Variants in TP63 observed in about 807,000 individuals in gnomAD.
TP63 encodes tumor protein 63.
A neutral mutation model predicts 82.8 loss-of-function variants in TP63; 17 were observed. The ratio of observed to expected loss-of-function variants is 0.21; its 90% CI spans 0.14 to 0.31. The LOEUF (loss-of-function observed/expected upper bound fraction) is 0.31. Among genes scored for constraint, TP63 ranks in the 10% least tolerant of loss-of-function variants. TP63 has a pLI of 1.00. For missense variants in TP63, 648 were observed against 895.3 expected, an observed-to-expected ratio of 0.72 and a Z score of 3.52; for synonymous variants, 330 against 321.7, an observed-to-expected ratio of 1.03 and a Z score of -0.28.
chr3:189,862,204 G>A (rs980764229), intron 4 of TP63, among the ~76,000 whole-genome samples: 20 of 151,840 alleles, frequency 1.3e-4, no homozygotes, highest in African/African-American at 4.8e-4. Context: ...GAAAATTCTG[G>A]CCCCTGTGGT....
chr3:189,704,030 CA>C (rs1315649417), intron 1 of TP63, among the ~76,000 whole-genome samples: 1 of 152,242 alleles, frequency 6.6e-6, no homozygotes, highest in Non-Finnish European at 1.5e-5. Flanking sequence ...TTCCCTGTCC[CA>C]GAGAACATTT....
intron 4 of TP63, among the ~76,000 whole-genome samples, chr3:189,822,581 T>C (rs1160003173): frequency 6.6e-6 from 1 of 152,314 alleles, no homozygotes. Context: ...TCTTGTAACA[T>C]TGAGTTATTA....
chr3:189,761,506 C>T (rs112515652), intron 3 of TP63, among the ~76,000 whole-genome samples: 1 of 142,610 alleles, frequency 7.0e-6, no homozygotes, highest in East Asian at 1.9e-4. Flanking sequence ...CACCTGTGAC[C>T]ACCTCAGCCT....
At chr3:189,682,837 A>G (rs992030473) in intron 1 of TP63, among the ~76,000 whole-genome samples, 7 of 152,012 alleles carry the variant, frequency 4.6e-5, no homozygotes, top group African/African-American at 1.4e-4. Context: ...CCTAAAATTT[A>G]CTTCTAGACT....
rs569688589 is a variant in TP63 at position 189,880,724 on chromosome 3, A to G, written c.1350-5670A>G. On this transcript the variant is annotated intron_variant, in intron 10 of 13. Coordinates refer to ENST00000264731, the MANE Select transcript of TP63 (RefSeq NM_003722.5). ...CAAGTAGTAAGAAACGAAGGTGTCA[A>G]GTGTACTGCTGGGCAGCGAGGTGAT... The G allele has an allele frequency of 4.8e-4, 477 of 985,474 alleles. 1 individual carries two copies. Among genetic ancestry groups the G allele is most frequent in the Non-Finnish European group, 5.5e-4 (458 of 829,950 alleles). 61.0% of individuals were successfully genotyped at this position (985,474 alleles called of 1,614,324 possible).
intron 3 of TP63, among the ~76,000 whole-genome samples, chr3:189,799,003 T>C (rs1263638421): frequency 6.6e-6 from 1 of 152,068 alleles, no homozygotes; most frequent in Non-Finnish European, 1.5e-5. Context: ...GCAAAGAATT[T>C]GACAAACAAA....
intron 1 of TP63, among the ~76,000 whole-genome samples, chr3:189,697,399 T>C (rs188376244): frequency 1.1e-4 from 17 of 152,178 alleles, no homozygotes; most frequent in African/African-American, 3.6e-4. Context: ...TTCTGTTTCA[T>C]TGATCTATAA....
At chr3:189,688,208 C>A (rs982827424) in intron 1 of TP63, among the ~76,000 whole-genome samples, 1 of 152,066 alleles carries the variant, frequency 6.6e-6, no homozygotes, top group Non-Finnish European at 1.5e-5. Context: ...TTATAAAATG[C>A]CTTAGAGATA....
chr3:189,743,355 T>G (rs1721138022), intron 3 of TP63, among the ~76,000 whole-genome samples: 1 of 152,194 alleles, frequency 6.6e-6, no homozygotes, highest in African/African-American at 2.4e-5. Context: ...TCATTTCTTA[T>G]GAGAGTAGAA....
chr3:189,876,881 C>G (rs954826020), intron 10 of TP63, among the ~76,000 whole-genome samples: 4 of 152,118 alleles, frequency 2.6e-5, no homozygotes, highest in African/African-American at 9.7e-5. Flanking sequence ...CTGTGATTTT[C>G]TTTCCAAAAA....
intron 4 of TP63, among the ~76,000 whole-genome samples, chr3:189,853,053 C>T (rs1209836446): frequency 6.6e-6 from 1 of 152,138 alleles, no homozygotes; most frequent in East Asian, 1.9e-4. Context: ...ATTGTCTTTT[C>T]TATTTTAATT....
chr3:189,763,981 G>C (rs1327019333), intron 3 of TP63, among the ~76,000 whole-genome samples: 1 of 152,126 alleles, frequency 6.6e-6, no homozygotes, highest in Non-Finnish European at 1.5e-5. Context: ...AGAAAAATAG[G>C]AATACTCTAT....
intron 1 of TP63, among the ~76,000 whole-genome samples, chr3:189,657,595 T>C (rs1713497664): frequency 6.6e-6 from 1 of 152,138 alleles, no homozygotes; most frequent in South Asian, 2.1e-4. Context: ...TATACTGGAA[T>C]TGAACAATTA....
chr3:189,790,548 A>G (rs2045593382), intron 3 of TP63, among the ~76,000 whole-genome samples: 1 of 151,852 alleles, frequency 6.6e-6, no homozygotes, highest in Non-Finnish European at 1.5e-5. Flanking sequence ...TCTTCTCAGC[A>G]AGTTTGTCTT....
At chr3:189,803,980 C>CA (rs1330403454) in intron 3 of TP63, among the ~76,000 whole-genome samples, 1 of 152,090 alleles carries the variant, frequency 6.6e-6, no homozygotes, top group African/African-American at 2.4e-5. Context: ...AAGGTTATTC[C>CA]AAAATCAAGA....
chr3:189,867,251 C>A (rs1324959991), intron 6 of TP63, among the ~76,000 whole-genome samples: 1 of 152,142 alleles, frequency 6.6e-6, no homozygotes, highest in Non-Finnish European at 1.5e-5. Context: ...GTTGAAAGTA[C>A]ACTGGTGTAA....
chr3:189,629,005 T>C (rs1278664914), upstream of TP63, among the ~76,000 whole-genome samples: 1 of 152,170 alleles, frequency 6.6e-6, no homozygotes, highest in East Asian at 1.9e-4. Context: ...TTTAGGATTT[T>C]TAAATAACAA....
chr3:189,601,853 T>A, the TP63 span, among the ~76,000 whole-genome samples: 5 of 152,156 alleles, frequency 3.3e-5, no homozygotes, highest in African/African-American at 9.7e-5. Flanking sequence ...GTAGCCAACT[T>A]CCAGCTTCCA....
chr3:189,806,733 A>C (rs1037074498), intron 3 of TP63, among the ~76,000 whole-genome samples: 1 of 152,214 alleles, frequency 6.6e-6, no homozygotes, highest in East Asian at 1.9e-4. Flanking sequence ...AGAGATTAAT[A>C]GTTATTTGAA....
Sources: gnomAD v4.1 joint callset for allele counts (sites outside exome capture counted in the v4.1 genomes callset) on GRCh38, gnomAD v4.1.1 for gene constraint, MANE v1.5 for transcripts, NCBI Gene and HGNC (gene_info 2026-07-23, HGNC 2026-07-21) for gene names.